Variants in NAALADL2 observed in about 807,000 individuals in gnomAD.
NAALADL2 encodes inactive N-acetylated-alpha-linked acidic dipeptidase-like protein 2.
In NAALADL2, 76 loss-of-function variants were observed where a neutral mutation model predicts 87.2. The ratio of observed to expected loss-of-function variants is 0.87; its 90% CI spans 0.72 to 1.05. The LOEUF (loss-of-function observed/expected upper bound fraction) is 1.05. Among genes scored for constraint, NAALADL2 ranks in the 50% least tolerant of loss-of-function variants. NAALADL2 has a pLI of 0.00. For missense variants in NAALADL2, 1,089 were observed against 945.8 expected (o/e 1.15, Z -1.99); for synonymous variants, 354 against 331.0 (o/e 1.07, Z -0.75).
chr3:175,337,883 A>T (rs1451789379), intron 5 of NAALADL2, among the ~76,000 whole-genome samples: 25 of 152,190 alleles, frequency 1.6e-4, no homozygotes, highest in Non-Finnish European at 1.0e-4. Flanking sequence ...AGGTGTAAGT[A>T]ACCTGTTTTG....
At chr3:175,350,053 T>C (rs1212551615) in intron 5 of NAALADL2, among the ~76,000 whole-genome samples, 1 of 92,372 alleles carries the variant, frequency 1.1e-5, no homozygotes, top group African/African-American at 3.8e-5. Flanking sequence ...CAAGGCTTGA[T>C]TGAAAAAAAA....
At chr3:174,489,949 G>A (rs1454053681) in intron 1 of NAALADL2, among the ~76,000 whole-genome samples, 1 of 152,110 alleles carries the variant, frequency 6.6e-6, no homozygotes. Flanking sequence ...TCTATGTAGA[G>A]AGGGGAATAT....
At chr3:175,619,451 G>A (rs1725890480) in intron 10 of NAALADL2, among the ~76,000 whole-genome samples, 2 of 136,900 alleles carry the variant, frequency 1.5e-5, no homozygotes, top group Admixed American at 1.6e-4. Flanking sequence ...GCAGGACTAT[G>A]TTGATTCCTA....
At chr3:174,954,434 G>A (rs1231961035) in intron 1 of NAALADL2, among the ~76,000 whole-genome samples, 2 of 152,064 alleles carry the variant, frequency 1.3e-5, no homozygotes, top group African/African-American at 4.8e-5. Context: ...GACTGACAGT[G>A]AGACTTAGAT....
chr3:175,237,125 T>G (rs1160901523), intron 3 of NAALADL2, among the ~76,000 whole-genome samples: 3 of 152,084 alleles, frequency 2.0e-5, no homozygotes, highest in Non-Finnish European at 2.9e-5. Context: ...GGTTTAATAT[T>G]TTAAGAAATA....
At chr3:174,553,109 T>G (rs1455196686) in intron 2 of NAALADL2, among the ~76,000 whole-genome samples, 1 of 152,206 alleles carries the variant, frequency 6.6e-6, no homozygotes, top group Non-Finnish European at 1.5e-5. Flanking sequence ...TCTATTTCAT[T>G]CAGCACTTAT....
intron 9 of NAALADL2, among the ~76,000 whole-genome samples, chr3:175,555,049 G>A (rs1403180199): frequency 1.4e-4 from 21 of 152,168 alleles, no homozygotes; most frequent in Non-Finnish European, 1.5e-5. Context: ...TTTAGGGATA[G>A]AAGATTGCAA....
chr3:175,583,527 G>A (rs1041241188), intron 10 of NAALADL2, among the ~76,000 whole-genome samples: 1 of 150,594 alleles, frequency 6.6e-6, no homozygotes, highest in Admixed American at 6.6e-5. Flanking sequence ...GGGGAACCAG[G>A]CAACTATCAA....
intron 11 of NAALADL2, among the ~76,000 whole-genome samples, chr3:175,718,982 G>T (rs751556059): frequency 6.6e-6 from 1 of 152,036 alleles, no homozygotes; most frequent in African/African-American, 2.4e-5. Flanking sequence ...TTTAAAGTGC[G>T]GTATGATTGC....
At chr3:174,958,870 T>C (rs1254124611) in intron 1 of NAALADL2, among the ~76,000 whole-genome samples, 3 of 152,204 alleles carry the variant, frequency 2.0e-5, no homozygotes, top group Admixed American at 1.3e-4. Context: ...GATAATATGA[T>C]TGCTTATATT....
intron 1 of NAALADL2, among the ~76,000 whole-genome samples, chr3:174,471,621 A>C (rs1716912921): frequency 1.3e-5 from 2 of 152,094 alleles, no homozygotes; most frequent in South Asian, 4.2e-4. Context: ...GGTTATAAAA[A>C]TAAGGCCTCT....
chr3:175,578,011 G>A (rs1004438111), intron 10 of NAALADL2, among the ~76,000 whole-genome samples: 1 of 151,976 alleles, frequency 6.6e-6, no homozygotes, highest in Non-Finnish European at 1.5e-5. Flanking sequence ...AAATATATAC[G>A]GAAAATAGAT....
chr3:175,743,114 C>CCT (rs1414935915), intron 12 of NAALADL2, among the ~76,000 whole-genome samples: 1 of 152,130 alleles, frequency 6.6e-6, no homozygotes, highest in Non-Finnish European at 1.5e-5. Flanking sequence ...GATTCTCCTG[C>CCT]CTCAGCCTCC....
chr3:174,800,597 AC>A (rs1356248813), intron 3 of NAALADL2, among the ~76,000 whole-genome samples: 1 of 152,132 alleles, frequency 6.6e-6, no homozygotes, highest in East Asian at 1.9e-4. Flanking sequence ...CTCCCCCCCA[AC>A]AGAGTCCCTA....
At chr3:175,232,013 G>T (rs911842467) in intron 2 of NAALADL2, among the ~76,000 whole-genome samples, 18 of 151,892 alleles carry the variant, frequency 1.2e-4, no homozygotes, top group African/African-American at 4.1e-4. Context: ...CCCTCTTACT[G>T]GTAATGAAAA....
At chr3:174,806,976 A>G (rs1448779536) in intron 3 of NAALADL2, among the ~76,000 whole-genome samples, 1 of 152,168 alleles carries the variant, frequency 6.6e-6, no homozygotes, top group Admixed American at 6.6e-5. Flanking sequence ...GCAAAAAGTG[A>G]TTAGGTGTCT....
chr3:175,046,055 G>C (rs1482740545), intron 1 of NAALADL2, among the ~76,000 whole-genome samples: 1 of 151,576 alleles, frequency 6.6e-6, no homozygotes, highest in Non-Finnish European at 1.5e-5. Flanking sequence ...TAGTTTTCAG[G>C]ATCCAATATT....
chr3:174,980,499 A>G (rs1744968045), intron 1 of NAALADL2, among the ~76,000 whole-genome samples: 2 of 152,170 alleles, frequency 1.3e-5, no homozygotes, highest in African/African-American at 2.4e-5. Flanking sequence ...AAACATAGTG[A>G]GAATTGGCCT....
chr3:175,233,802 G>A, intron 2 of NAALADL2, 129 bp from the exon 3 acceptor site: 1 of 614,586 alleles, frequency 1.6e-6, no homozygotes, highest in African/African-American at 1.9e-5. Context: ...CATGTGATAG[G>A]GTCCTGTCTC....
Sources: allele counts gnomAD v4.1 joint callset (sites outside exome capture counted in the v4.1 genomes callset), GRCh38; gene constraint gnomAD v4.1.1; transcripts MANE v1.5; gene names NCBI Gene and HGNC (gene_info 2026-07-23, HGNC 2026-07-21).